Variants in ETS1 observed in about 807,000 individuals in gnomAD.
ETS1 encodes the protein ETS proto-oncogene 1, transcription factor.
Under a neutral mutation model 58.6 loss-of-function variants are expected in ETS1, and 15 were observed. The observed-to-expected ratio is 0.26, with a 90% CI of 0.17 to 0.39. ETS1 has a LOEUF of 0.39. Among genes scored for constraint, ETS1 ranks in the 10% least tolerant of loss-of-function variants. The probability of loss-of-function intolerance (pLI) is 1.00; values close to 1 mark genes in which losing one functional copy is unlikely to be tolerated. For synonymous variants in ETS1, 214 were observed against 218.2 expected, an observed-to-expected ratio of 0.98 and a Z score of 0.17; for missense variants, 417 against 610.5, an observed-to-expected ratio of 0.68 and a Z score of 3.34.
At chr11:128,519,815 CCTCT>C (rs1245374316) in intron 3 of ETS1, among the ~76,000 whole-genome samples, 1 of 152,126 alleles carries the variant, frequency 6.6e-6, no homozygotes, top group African/African-American at 2.4e-5. Flanking sequence ...ACTCTATTTT[CCTCT>C]CTGAGGTATG....
In ETS1 at chr11:128,458,772, T is replaced by G. The variant is rs186219049; in HGVS notation, c.*3589A>C. 38 of 152,906 alleles carry G rather than the reference T, an allele frequency of 2.5e-4. No homozygotes were observed. The highest frequency in any genetic ancestry group is 8.9e-4 in the African/African-American group (37 of 41,582). The allele number at this position is 152,906 out of a possible 1,614,324, so 9.5% of individuals were successfully genotyped here. ...CAAGCCAAAGCCACAGCATTATGAA[T>G]GAAATTCTTTGTTTTTAATTTCACA... On this transcript the variant is annotated 3_prime_UTR_variant, in exon 10 of 10. Coordinates refer to ENST00000392668, the MANE Select transcript of ETS1 (RefSeq NM_001143820.2). This position sits in a 1 kb window ranked among gnomAD's most constrained non-coding sequence, Gnocchi z 4.3.
At chr11:128,584,946 G>GAA (rs1318232390) in intron 1 of ETS1, among the ~76,000 whole-genome samples, 2 of 17,290 alleles carry the variant, frequency 1.2e-4, no homozygotes, top group African/African-American at 9.4e-4. Context: ...AGAAAAGAAA[G>GAA]AAAGAAAGAA....
chr11:128,487,826 G>A (rs1298852011), intron 5 of ETS1, among the ~76,000 whole-genome samples: 4 of 152,168 alleles, frequency 2.6e-5, no homozygotes, highest in East Asian at 1.9e-4. Context: ...TGAAGAAATC[G>A]CCTACCCTGA....
chr11:128,545,458 T>C (rs1864120083), intron 3 of ETS1, among the ~76,000 whole-genome samples: 1 of 152,220 alleles, frequency 6.6e-6, no homozygotes, highest in Non-Finnish European at 1.5e-5. Flanking sequence ...TTAGGCTTCT[T>C]TGGGGAGGTA....
intron 8 of ETS1, among the ~76,000 whole-genome samples, chr11:128,476,704 C>A (rs1422659953): frequency 1.3e-5 from 2 of 152,220 alleles, no homozygotes; most frequent in Admixed American, 1.3e-4. Flanking sequence ...ATATAGAAAG[C>A]ATTGGGCTAC....
intron 2 of ETS1, among the ~76,000 whole-genome samples, chr11:128,557,172 G>T (rs747555462): frequency 1.5e-4 from 23 of 152,154 alleles, no homozygotes; most frequent in Non-Finnish European, 2.8e-4. Flanking sequence ...TGGAGCCTGG[G>T]CCTGTTCCTT....
intron 3 of ETS1, 66 bp downstream of exon 3, chr11:128,556,225 G>A: frequency 7.3e-7 from 1 of 1,364,650 alleles, no homozygotes; most frequent in Non-Finnish European, 1.0e-6. Flanking sequence ...AAAGAATGCA[G>A]CCCTCATCAC....
intron 3 of ETS1, among the ~76,000 whole-genome samples, chr11:128,492,653 A>G (rs1862832918): frequency 6.6e-6 from 1 of 152,200 alleles, no homozygotes; most frequent in South Asian, 2.1e-4. Flanking sequence ...ATTACATAAC[A>G]TCCAGCCCTT....
chr11:128,556,345 A>G lies in ETS1; in HGVS notation c.160T>C (p.Trp54Arg). The G allele has an allele frequency of 6.2e-7, 1 of 1,613,074 alleles. No individual in the cohort carries two copies. Among genetic ancestry groups the G allele is most frequent in the East Asian group, 2.2e-5 (1 of 44,864 alleles). ...YHQQRPCYPF[W>R]DEMATQEVPT... The stretch of plus-strand genomic sequence containing the variant: ...ACTTCCTGAGTTGCCATCTCATCCC[A>G]AAAGGGGTAGCAAGGTCTTTGCTGG... Residue 54 changes from tryptophan (W) to arginine (R), a missense_variant, in exon 3 of 10, where the codon TGG becomes CGG. Coordinates refer to ENST00000392668, the MANE Select transcript of ETS1 (RefSeq NM_001143820.2).
intron 8 of ETS1, among the ~76,000 whole-genome samples, chr11:128,470,539 T>A (rs920747871): frequency 2.0e-5 from 3 of 152,070 alleles, no homozygotes; most frequent in Non-Finnish European, 4.4e-5. Context: ...CATATATACA[T>A]ATATATAGAC....
chr11:128,464,355 GACACACACACACACACACAC>G lies in ETS1; in HGVS notation c.1124-748_1124-729del, dbSNP rs58228263. Among the ~76,000 whole-genome samples, 27 of 144,918 alleles carry G rather than the reference GACACACACACACACACACAC, an allele frequency of 1.9e-4. No individual in the cohort carries two copies. Among genetic ancestry groups the G allele is most frequent in the Middle Eastern group, 3.2e-3 (1 of 310 alleles). On this transcript the variant is annotated intron_variant, in intron 8 of 9. Transcript: ENST00000392668. The surrounding 1 kb of genome is among the most constrained non-coding windows in gnomAD (Gnocchi z 4.1). ...CATAGGTTCAGTATATTCTAAATTA[GACACACACACACACACACAC>G]ACACACACACACACACACACACTTC...
chr11:128,519,784 C>A (rs1242904625), intron 3 of ETS1, among the ~76,000 whole-genome samples: 1 of 152,076 alleles, frequency 6.6e-6, no homozygotes, highest in Non-Finnish European at 1.5e-5. Flanking sequence ...ATTTTTATGT[C>A]AATTATTTAC....
intron 1 of ETS1, among the ~76,000 whole-genome samples, chr11:128,587,170 CA>C (rs5795624): frequency 0.4 from 56,081 of 139,060 alleles, 11,250 homozygotes; most frequent in Non-Finnish European, 0.48. Context: ...CTCCAATTTG[CA>C]AAAAAAAAAA....
intron 1 of ETS1, among the ~76,000 whole-genome samples, chr11:128,576,471 T>C (rs935828617): frequency 1.2e-4 from 4 of 33,630 alleles, no homozygotes; most frequent in African/African-American, 1.1e-3. Flanking sequence ...ATTGCATAAA[T>C]ACAAGCAATT....
chr11:128,482,934 T>A (rs188988277), intron 7 of ETS1, among the ~76,000 whole-genome samples: 1 of 152,116 alleles, frequency 6.6e-6, no homozygotes, highest in Non-Finnish European at 1.5e-5. Context: ...CCCAAATAAG[T>A]GGGGCATAGA....
At chr11:128,480,746 G>A (rs1862463518) in intron 7 of ETS1, among the ~76,000 whole-genome samples, 1 of 152,090 alleles carries the variant, frequency 6.6e-6, no homozygotes, top group Non-Finnish European at 1.5e-5. Context: ...GTAGCGTTTG[G>A]GTCCTCAAGA....
intron 3 of ETS1, among the ~76,000 whole-genome samples, chr11:128,555,409 T>A (rs1007146698): frequency 2.0e-5 from 3 of 152,220 alleles, no homozygotes; most frequent in African/African-American, 4.8e-5. Context: ...TGCCCAGGTC[T>A]TTCCCCAGAA....
chr11:128,568,950 C>T (rs1405083299), intron 2 of ETS1, among the ~76,000 whole-genome samples: 1 of 152,240 alleles, frequency 6.6e-6, no homozygotes, highest in African/African-American at 2.4e-5. Flanking sequence ...TTAGATTTCC[C>T]TTTCTAAAGC....
intron 3 of ETS1, chr11:128,522,425 G>T (rs1031789864): frequency 9.2e-6 from 8 of 870,048 alleles, no homozygotes; most frequent in Non-Finnish European, 9.7e-6. Context: ...GGCGATGTCC[G>T]CTTGGGGGAG....
Sources: gnomAD v4.1 joint callset for allele counts (sites outside exome capture counted in the v4.1 genomes callset) on GRCh38, gnomAD v4.1.1 for gene constraint, Gnocchi (gnomAD v3.1) non-coding constraint, MANE v1.5 for transcripts, NCBI Gene and HGNC (gene_info 2026-07-23, HGNC 2026-07-21) for gene names.